Variants in VPS41 observed in about 807,000 individuals in gnomAD.
VPS41 encodes VPS41 subunit of HOPS complex.
In VPS41, 85 loss-of-function variants were observed where a neutral mutation model predicts 130.9. That is an observed-to-expected ratio of 0.65 (90% CI 0.55 to 0.78). The LOEUF (loss-of-function observed/expected upper bound fraction) is 0.78. Ranked by LOEUF, VPS41 falls within the 30% of genes least tolerant of loss-of-function variation. VPS41 has a pLI of 0.00. For synonymous variants in VPS41, 335 were observed against 332.9 expected, an observed-to-expected ratio of 1.01 and a Z score of -0.07; for missense variants, 874 against 1,018.7, an observed-to-expected ratio of 0.86 and a Z score of 1.93.
intron 10 of VPS41, among the ~76,000 whole-genome samples, chr7:38,786,861 A>G (rs887279189): frequency 6.6e-6 from 1 of 152,152 alleles, no homozygotes; most frequent in Non-Finnish European, 1.5e-5. Context: ...TAACCCATAT[A>G]GCTGAATCAA....
intron 7 of VPS41, among the ~76,000 whole-genome samples, chr7:38,806,102 G>A (rs1784834040): frequency 6.6e-6 from 1 of 152,136 alleles, no homozygotes; most frequent in African/African-American, 2.4e-5. Flanking sequence ...TAGAAAAATG[G>A]AGTATCTTTA....
At chr7:38,879,453 A>G (rs958323326) in intron 2 of VPS41, among the ~76,000 whole-genome samples, 2 of 152,188 alleles carry the variant, frequency 1.3e-5, no homozygotes, top group Admixed American at 1.3e-4. Context: ...GTCACCTCAC[A>G]AATTCCCACA....
chr7:38,824,560 T>C (rs141710533), intron 5 of VPS41, among the ~76,000 whole-genome samples: 43 of 152,312 alleles, frequency 2.8e-4, no homozygotes, highest in African/African-American at 8.9e-4. Flanking sequence ...ATCCTATTCT[T>C]CTACATGCTA....
Position 38,724,196 on chromosome 7 carries a change from T to A in VPS41, c.*2050A>T, listed in dbSNP as rs1202864147. The A allele has an allele frequency of 6.6e-6, 1 of 152,228 alleles. No homozygotes were observed. Among genetic ancestry groups the A allele is most frequent in the Non-Finnish European group, 1.5e-5 (1 of 68,032 alleles). 9.4% of individuals were successfully genotyped at this position (152,228 alleles called of 1,614,324 possible). ...TCCAAATAGGACTTGGTAACTAGGA[T>A]AATTTACCCCTGAAGCAAAATGACT... On this transcript the variant is annotated 3_prime_UTR_variant, in exon 29 of 29. Coordinates refer to ENST00000310301, the MANE Select transcript of VPS41 (RefSeq NM_014396.4).
chr7:38,764,227 C>A (rs1314972741), intron 16 of VPS41, among the ~76,000 whole-genome samples: 1 of 152,166 alleles, frequency 6.6e-6, no homozygotes, highest in Non-Finnish European at 1.5e-5. Context: ...CAGAGGAGAA[C>A]CATGCCCACT....
intron 4 of VPS41, among the ~76,000 whole-genome samples, chr7:38,830,877 T>C (rs976046258): frequency 6.6e-6 from 1 of 152,198 alleles, no homozygotes; most frequent in Non-Finnish European, 1.5e-5. Flanking sequence ...GATAGATATT[T>C]GATCCATTTT....
At position 38,742,030 on chromosome 7, in the gene VPS41, A is replaced by C. The variant is rs1174903899; in HGVS notation, c.2214T>G (p.Asn738Lys). 1.1e-5 allele frequency: 18 copies of C among 1,613,474 alleles called. No individual in the cohort carries two copies. The highest frequency in any genetic ancestry group is 1.5e-5 in the Non-Finnish European group (18 of 1,179,690). Residue 738 changes from asparagine to lysine, a missense_variant, in exon 25 of 29, where the codon AAT becomes AAG. By Grantham distance (94) the Asn-to-Lys change is moderately conservative. Transcript: ENST00000310301. ...HRIKEGMEIP[N>K]LRDSLVKILQ... is the part of the protein sequence containing the mutation. Reference sequence around the variant, plus strand: ...GAATTTTAACCAAGGAATCTCTCAAATTGGGGATCTCCATTCCTTCCTTAA... The same window carrying C: ...GAATTTTAACCAAGGAATCTCTCAACTTGGGGATCTCCATTCCTTCCTTAA...
chr7:38,899,624 C>A (rs895652341), intron 1 of VPS41, among the ~76,000 whole-genome samples: 22 of 152,266 alleles, frequency 1.4e-4, no homozygotes, highest in African/African-American at 4.8e-4. Context: ...CCATTCACCA[C>A]CCACAACATT....
chr7:38,841,208 C>T (rs1488207469), intron 4 of VPS41, among the ~76,000 whole-genome samples: 2 of 152,194 alleles, frequency 1.3e-5, no homozygotes, highest in South Asian at 2.1e-4. Context: ...ATTCAACCAA[C>T]AAAGAAGCCT....
In VPS41 at chr7:38,726,248, A is replaced by AAT; in HGVS notation, c.2562_2563insAT (p.Ter855IlefsTer105). On this transcript the variant is annotated frameshift_variant, in exon 29 of 29. Transcript: ENST00000310301. LOFTEE classifies it high-confidence loss of function. ...GGAGACTGACAAGGAGAAATGAGCT[A>AAT]TTTTTTCATCTCCAAAATTGCACTT... 5.0e-6 allele frequency: 8 copies of AAT among 1,607,802 alleles called. No homozygotes were observed. In the African/African-American group the frequency reaches 9.4e-5, roughly 19 times the overall value.
intron 6 of VPS41, 27 bp downstream of exon 6, chr7:38,821,175 GA>G (rs1378103963): frequency 1.3e-6 from 2 of 1,592,558 alleles, no homozygotes; most frequent in Non-Finnish European, 8.6e-7. Flanking sequence ...AAAACCCTTA[GA>G]AAAAGTAAAA....
intron 23 of VPS41, among the ~76,000 whole-genome samples, chr7:38,744,133 C>T (rs538354335): frequency 1.3e-5 from 2 of 152,334 alleles, no homozygotes; most frequent in South Asian, 4.1e-4. Context: ...CTTTCAATAA[C>T]CCTCATGAGA....
intron 4 of VPS41, among the ~76,000 whole-genome samples, chr7:38,843,214 C>T (rs576193145): frequency 4.7e-4 from 71 of 152,096 alleles, no homozygotes; most frequent in African/African-American, 1.6e-3. Context: ...CTTTTGGGAC[C>T]CAAGGTTTTC....
chr7:38,728,641 T>C lies in VPS41; in HGVS notation c.2359+51A>G. 2.5e-6 allele frequency: 4 copies of C among 1,613,514 alleles called. No homozygotes were observed. The Middle Eastern group carries it at 5.0e-4, about 200-fold the overall frequency. ...TGCCCTGTTTATACCTGCTTGGCCA[T>C]TTCTGAAAGCAGGGCACGTGGTTCC... On this transcript the variant is annotated intron_variant, in intron 26 of 28. Coordinates refer to ENST00000310301, the MANE Select transcript of VPS41 (RefSeq NM_014396.4).
rs1339413273 is a variant in VPS41, at chr7:38,794,032, T to C, written c.717+1433A>G. Among the ~76,000 whole-genome samples the C allele has an allele frequency of 4.6e-5, 7 of 152,336 alleles. No individual in the cohort carries two copies. The East Asian group carries it at 1.3e-3, about 29-fold the overall frequency. ...TTAGGGCTTGCTATCCTTGGGGCCA[T>C]TATTCAGCATACCAGAGAAAGAATT... On this transcript the variant is annotated intron_variant, in intron 9 of 28. Transcript: ENST00000310301.
chr7:38,821,960 T>A (rs1475391922), intron 5 of VPS41, among the ~76,000 whole-genome samples: 1 of 151,666 alleles, frequency 6.6e-6, no homozygotes, highest in East Asian at 1.9e-4. Context: ...AAGGGGAGAT[T>A]TTTTTTTAGT....
At chr7:38,841,672 T>G (rs757355513) in intron 4 of VPS41, among the ~76,000 whole-genome samples, 3 of 152,194 alleles carry the variant, frequency 2.0e-5, no homozygotes, top group Non-Finnish European at 4.4e-5. Flanking sequence ...GGCGCAATCT[T>G]GGCCTACTGC....
intron 2 of VPS41, among the ~76,000 whole-genome samples, chr7:38,875,125 A>G (rs1204073237): frequency 3.9e-5 from 6 of 152,170 alleles, no homozygotes; most frequent in African/African-American, 1.4e-4. Flanking sequence ...AGTTTCAAAA[A>G]CATATAACAA....
chr7:38,758,593 A>C, intron 17 of VPS41, 112 bp from the exon 18 acceptor site: 1 of 1,030,558 alleles, frequency 9.7e-7, no homozygotes, highest in Non-Finnish European at 1.4e-6. Context: ...TAACTCTCAA[A>C]ATCCTTAGAA....
Sources: gnomAD v4.1 joint callset for allele counts (sites outside exome capture counted in the v4.1 genomes callset) on GRCh38, gnomAD v4.1.1 for gene constraint, MANE v1.5 for transcripts, NCBI Gene and HGNC (gene_info 2026-07-23, HGNC 2026-07-21) for gene names.